Variants in TEX11 observed in about 807,000 individuals in gnomAD.
TEX11 encodes testis-expressed protein 11.
Under a neutral mutation model 84.4 loss-of-function variants are expected in TEX11, and 7 were observed. The observed-to-expected ratio is 0.08, with a 90% confidence interval of 0.05 to 0.16. The LOEUF is 0.16. Among genes scored for constraint, TEX11 ranks in the 10% least tolerant of loss-of-function variants. TEX11 has a pLI of 1.00. For synonymous variants in TEX11, 264 were observed against 222.8 expected (o/e 1.18, Z -1.64); for missense variants, 551 against 660.5 (o/e 0.83, Z 1.82).
chrX:70,850,772 T>C (rs1272753540), intron 7 of TEX11, among the ~76,000 whole-genome samples: 2 of 107,593 alleles, frequency 1.9e-5, no homozygotes, highest in Non-Finnish European at 3.8e-5. Flanking sequence ...ACAACAAAAA[T>C]ACCACACATA....
intron 7 of TEX11, among the ~76,000 whole-genome samples, chrX:70,836,995 T>G (rs2091409227): frequency 9.0e-6 from 1 of 110,632 alleles, no homozygotes; most frequent in African/African-American, 3.3e-5. Flanking sequence ...CCACCCTGGG[T>G]GACAGAGTGA....
intron 9 of TEX11, among the ~76,000 whole-genome samples, chrX:70,772,123 C>T (rs1405308057): frequency 8.9e-6 from 1 of 111,968 alleles, no homozygotes; most frequent in East Asian, 2.8e-4. Context: ...AGAACTCCAG[C>T]AGAAAATTTG....
chrX:70,572,490 C>G (rs1438965021), intron 25 of TEX11, among the ~76,000 whole-genome samples: 1 of 111,153 alleles, frequency 9.0e-6, no homozygotes, highest in Non-Finnish European at 1.9e-5. Flanking sequence ...ACCCAGCCAT[C>G]CCATTACTGA....
rs974936753 is a variant in TEX11, at chrX:70,663,908, T to C, written c.1380+6469A>G. Among the ~76,000 whole-genome samples the C allele has an allele frequency of 4.8e-4, 54 of 111,721 alleles. 1 individual carries two copies. Among genetic ancestry groups the C allele is most frequent in the Admixed American group, 1.9e-4 (2 of 10,528 alleles). Reference sequence around the variant, plus strand: ...ATATCACAATCTGCAGATGCTCAAGTTCCTTATAGTAGTTGCATATAACCT... The same window carrying C: ...ATATCACAATCTGCAGATGCTCAAGCTCCTTATAGTAGTTGCATATAACCT... On this transcript the variant is annotated intron_variant, in intron 16 of 29. Coordinates refer to ENST00000374333, the MANE Select transcript of TEX11 (RefSeq NM_031276.3).
chrX:70,811,949 G>GA (rs2091257735), intron 8 of TEX11, among the ~76,000 whole-genome samples: 1 of 111,693 alleles, frequency 9.0e-6, no homozygotes, highest in Non-Finnish European at 1.9e-5. Flanking sequence ...TAAGTAGATT[G>GA]CAAAAATTTT....
intron 17 of TEX11, among the ~76,000 whole-genome samples, chrX:70,639,364 G>A (rs2089618559): frequency 8.9e-6 from 1 of 112,032 alleles, no homozygotes; most frequent in Admixed American, 9.4e-5. Context: ...CATTGCCCAG[G>A]CTTGCTTAGG....
intron 9 of TEX11, among the ~76,000 whole-genome samples, chrX:70,750,923 A>AT (rs1277489174): frequency 6.7e-4 from 17 of 25,367 alleles, no homozygotes; most frequent in Admixed American, 1.6e-3. Flanking sequence ...AAGTATAATA[A>AT]AAAAAAAAAA....
intron 4 of TEX11, among the ~76,000 whole-genome samples, chrX:70,867,102 A>G (rs1335006707): frequency 8.9e-6 from 1 of 112,008 alleles, no homozygotes; most frequent in Non-Finnish European, 1.9e-5. Context: ...TGCAGATGAC[A>G]TAATTGTATA....
At chrX:70,722,468 T>C (rs2090567450) in intron 13 of TEX11, 150 bp downstream of exon 13, 7 of 427,261 alleles carry the variant, frequency 1.6e-5, no homozygotes, top group Admixed American at 8.4e-5. Flanking sequence ...AGAGATGGGG[T>C]CTTGCTATAT....
At chrX:70,852,863 A>G (rs1278863665) in intron 7 of TEX11, among the ~76,000 whole-genome samples, 171 bp downstream of exon 7, 3 of 111,896 alleles carry the variant, frequency 2.7e-5, no homozygotes, top group African/African-American at 9.7e-5. Flanking sequence ...ATAGATTCCA[A>G]TCAGCATTAG....
At chrX:70,649,294 C>T (rs756443482) in intron 17 of TEX11, among the ~76,000 whole-genome samples, 1 of 112,186 alleles carries the variant, frequency 8.9e-6, no homozygotes, top group African/African-American at 3.2e-5. Context: ...AATCACCATG[C>T]TGTCTTCCGC....
chrX:70,766,567 A>G (rs939960074), intron 9 of TEX11, among the ~76,000 whole-genome samples: 2 of 111,363 alleles, frequency 1.8e-5, no homozygotes, highest in Non-Finnish European at 3.8e-5. Flanking sequence ...CAATCTACAG[A>G]TTTGCTGCAA....
intron 7 of TEX11, among the ~76,000 whole-genome samples, chrX:70,841,693 C>G (rs1297998683): frequency 1.8e-5 from 2 of 111,740 alleles, no homozygotes; most frequent in Middle Eastern, 4.6e-3. Context: ...AATCCAGGAG[C>G]TGGTTTTTTG....
intron 2 of TEX11, among the ~76,000 whole-genome samples, chrX:70,882,861 CAT>C (rs1243250509): frequency 9.0e-6 from 1 of 111,605 alleles, no homozygotes; most frequent in African/African-American, 3.3e-5. Context: ...ACTATGAAGA[CAT>C]ATATTTTGAT....
Position 70,552,198 on chromosome X carries a change from C to T in TEX11, c.2448G>A (p.Ser816=), listed in dbSNP as rs144951375. 1.7e-4 allele frequency: 204 copies of T among 1,209,352 alleles called. No homozygotes were observed. The highest frequency in any genetic ancestry group is 2.2e-4 in the Non-Finnish European group (196 of 894,956). The change falls in exon 28 of 30, where the codon TCG becomes TCA. Residue 816 remains serine, a synonymous_variant. Transcript: ENST00000374333. ...CTTCCAGGGGACAGAGCTCTACATT[C>T]GACGCCCCATCTGGCACTGAGAGGT... ...LVNLSVPDGA[S]NVELCPLEEV... is the part of the protein sequence containing the mutation.
At chrX:70,620,019 T>C (rs1483298224) in intron 20 of TEX11, among the ~76,000 whole-genome samples, 1 of 110,128 alleles carries the variant, frequency 9.1e-6, no homozygotes, top group Non-Finnish European at 1.9e-5. Context: ...AGAGATGGGG[T>C]TTCACTGTGT....
intron 25 of TEX11, among the ~76,000 whole-genome samples, chrX:70,577,634 G>T (rs1368778092): frequency 1.8e-5 from 2 of 111,226 alleles, no homozygotes; most frequent in Non-Finnish European, 3.8e-5. Context: ...AATGCAAATT[G>T]AAATTGGTTG....
chrX:70,610,105 A>C (rs1325874742), intron 21 of TEX11, among the ~76,000 whole-genome samples: 2 of 104,442 alleles, frequency 1.9e-5, no homozygotes, highest in African/African-American at 7.0e-5. Flanking sequence ...GCTACTAGAA[A>C]AGAAAGGTAG....
chrX:70,587,613 G>T (rs2088870990), intron 25 of TEX11, among the ~76,000 whole-genome samples: 1 of 112,454 alleles, frequency 8.9e-6, no homozygotes, highest in Admixed American at 9.3e-5. Context: ...TGCTGCAGGG[G>T]TGGAGTCCTC....
Sources: allele counts gnomAD v4.1 joint callset (sites outside exome capture counted in the v4.1 genomes callset), GRCh38; gene constraint gnomAD v4.1.1; transcripts MANE v1.5; gene names NCBI Gene and HGNC (gene_info 2026-07-23, HGNC 2026-07-21).